The following AK5 variants were observed in gnomAD, a reference collection of about 807,000 sequenced individuals.
AK5 encodes adenylate kinase 5.
Under a neutral mutation model 69.5 loss-of-function variants are expected in AK5, and 27 were observed. That is an observed-to-expected ratio of 0.39 (90% CI 0.29 to 0.54). The LOEUF is 0.54. Among genes scored for constraint, AK5 ranks in the 20% least tolerant of loss-of-function variants. The pLI is 0.71. For synonymous variants in AK5, 260 were observed against 244.4 expected (o/e 1.06, Z -0.60); for missense variants, 531 against 700.4 (o/e 0.76, Z 2.73).
intron 8 of AK5, among the ~76,000 whole-genome samples, chr1:77,447,406 G>C (rs1051539787): frequency 2.0e-5 from 3 of 152,232 alleles, no homozygotes; most frequent in Non-Finnish European, 4.4e-5. Flanking sequence ...TCATCACTAT[G>C]CATAGCTGGC....
At chr1:77,517,212 A>G (rs1202616266) in intron 10 of AK5, among the ~76,000 whole-genome samples, 1 of 152,052 alleles carries the variant, frequency 6.6e-6, no homozygotes, top group Non-Finnish European at 1.5e-5. Context: ...AGTGCTATGG[A>G]GGTGGGAGTG....
In AK5 at chr1:77,370,471, A is replaced by G. The variant is rs116878405; in HGVS notation, c.891+29903A>G. On this transcript the variant is annotated intron_variant, in intron 6 of 13. Transcript: ENST00000354567. ...CTTGGGGGGACTTGGATCACAATTT[A>G]TTTTCCAACTTTTTGCATGATTACT... Among the ~76,000 whole-genome samples the G allele has an allele frequency of 7.2e-5, 11 of 152,184 alleles. No individual in the cohort carries two copies. The East Asian group carries it at 2.1e-3, about 29-fold the overall frequency.
At chr1:77,551,251 T>C (rs1482784778) in intron 13 of AK5, among the ~76,000 whole-genome samples, 1 of 150,042 alleles carries the variant, frequency 6.7e-6, no homozygotes, top group East Asian at 1.9e-4. Flanking sequence ...ACACACACCT[T>C]CTATAAGACA....
intron 13 of AK5, among the ~76,000 whole-genome samples, chr1:77,554,016 G>A (rs1057367272): frequency 1.3e-5 from 2 of 152,170 alleles, no homozygotes; most frequent in East Asian, 1.9e-4. Flanking sequence ...CAACATAAAC[G>A]AACCTTGAAA....
At chr1:77,302,196 G>T (rs559768077) in intron 5 of AK5, among the ~76,000 whole-genome samples, 26 of 143,464 alleles carry the variant, frequency 1.8e-4, no homozygotes, top group Non-Finnish European at 3.3e-4. Flanking sequence ...ACTGCAACTG[G>T]CTGAGACCTA....
chr1:77,553,810 A>C (rs2100402025), intron 13 of AK5, among the ~76,000 whole-genome samples: 1 of 152,088 alleles, frequency 6.6e-6, no homozygotes, highest in African/African-American at 2.4e-5. Flanking sequence ...TGAGTTAGCA[A>C]CCCCTTCCTT....
intron 8 of AK5, among the ~76,000 whole-genome samples, chr1:77,420,677 T>G (rs913159376): frequency 3.9e-5 from 6 of 152,234 alleles, no homozygotes; most frequent in African/African-American, 2.4e-5. Context: ...AATCAAACTT[T>G]GATTTGCCTG....
intron 5 of AK5, among the ~76,000 whole-genome samples, chr1:77,315,584 G>T (rs116228398): frequency 4.6e-5 from 7 of 152,168 alleles, no homozygotes; most frequent in Non-Finnish European, 1.0e-4. Context: ...TATGAGACAG[G>T]ATTCAAAGGT....
chr1:77,437,163 T>A (rs1404723785), intron 8 of AK5, among the ~76,000 whole-genome samples: 1 of 152,130 alleles, frequency 6.6e-6, no homozygotes, highest in Non-Finnish European at 1.5e-5. Flanking sequence ...TCAGTTTACT[T>A]ATCAAACATT....
intron 8 of AK5, among the ~76,000 whole-genome samples, chr1:77,439,372 A>G (rs567743320): frequency 1.3e-5 from 2 of 152,278 alleles, no homozygotes; most frequent in South Asian, 4.1e-4. Flanking sequence ...TAATTAGGAT[A>G]TCTATCACCT....
At chr1:77,452,744 T>G (rs1332908916) in intron 8 of AK5, among the ~76,000 whole-genome samples, 1 of 152,256 alleles carries the variant, frequency 6.6e-6, no homozygotes, top group African/African-American at 2.4e-5. Flanking sequence ...CCTGGCTGTC[T>G]GCTAGTGCTT....
intron 5 of AK5, among the ~76,000 whole-genome samples, chr1:77,330,010 T>C (rs1661002132): frequency 6.6e-6 from 1 of 152,162 alleles, no homozygotes; most frequent in South Asian, 2.1e-4. Flanking sequence ...GAAAGAAAGA[T>C]GGATATTCTC....
chr1:77,301,127 A>G (rs1023354326), intron 5 of AK5, among the ~76,000 whole-genome samples: 8 of 152,054 alleles, frequency 5.3e-5, no homozygotes, highest in Non-Finnish European at 8.8e-5. Flanking sequence ...GAAGAAGTGT[A>G]TTTTTCTTCT....
At chr1:77,294,665 A>G (rs1658884867) in intron 3 of AK5, among the ~76,000 whole-genome samples, 1 of 152,186 alleles carries the variant, frequency 6.6e-6, no homozygotes, top group Non-Finnish European at 1.5e-5. Flanking sequence ...AATAACAATG[A>G]TAATAGTTCA....
chr1:77,497,193 C>T (rs1656383931), intron 10 of AK5, among the ~76,000 whole-genome samples: 1 of 152,198 alleles, frequency 6.6e-6, no homozygotes, highest in African/African-American at 2.4e-5. Flanking sequence ...GACGTGCCAC[C>T]CTTAAGAGCT....
chr1:77,367,589 T>TTATATATATGTTA (rs374382779), intron 6 of AK5, among the ~76,000 whole-genome samples: 3,580 of 43,154 alleles, frequency 0.083, 342 homozygotes, highest in Non-Finnish European at 0.11. Flanking sequence ...AATATATATG[T>TTATATATATGTTA]TATATATGTA....
chr1:77,283,296 G>A, intron 1 of AK5: 1 of 985,388 alleles, frequency 1.0e-6, no homozygotes. Flanking sequence ...GAAGTAGGGG[G>A]GAGGAGGAGA....
chr1:77,327,210 G>A (rs74728602), intron 5 of AK5, among the ~76,000 whole-genome samples: 2,643 of 152,060 alleles, frequency 0.017, 80 homozygotes, highest in African/African-American at 0.061. Context: ...AAACCAGGAA[G>A]ACCCTATCTC....
chr1:77,492,024 C>T (rs1656035210), intron 10 of AK5, among the ~76,000 whole-genome samples: 1 of 152,004 alleles, frequency 6.6e-6, no homozygotes, highest in African/African-American at 2.4e-5. Flanking sequence ...TGAAAAAAAC[C>T]ACAGTTCGTT....
Sources: gnomAD v4.1 joint callset for allele counts (sites outside exome capture counted in the v4.1 genomes callset) on GRCh38, gnomAD v4.1.1 for gene constraint, MANE v1.5 for transcripts, NCBI Gene and HGNC (gene_info 2026-07-23, HGNC 2026-07-21) for gene names.